Variants in MACROD2 observed in about 807,000 individuals in gnomAD.
The protein encoded by MACROD2 is mono-ADP ribosylhydrolase 2.
MACROD2 carries 36 observed loss-of-function variants against 70.4 expected under a neutral mutation model. That is an observed-to-expected ratio of 0.51 (90% CI 0.39 to 0.68). The LOEUF is 0.68. Among genes scored for constraint, MACROD2 ranks in the 30% least tolerant of loss-of-function variants. The probability of loss-of-function intolerance (pLI) is 0.00; values close to 1 mark genes in which losing one functional copy is unlikely to be tolerated. For missense variants in MACROD2, 496 were observed against 538.4 expected (o/e 0.92, Z 0.78); for synonymous variants, 172 against 178.8 (o/e 0.96, Z 0.30).
At chr20:15,445,918 A>G (rs2046559735) in intron 7 of MACROD2, among the ~76,000 whole-genome samples, 1 of 152,070 alleles carries the variant, frequency 6.6e-6, no homozygotes, top group Admixed American at 6.6e-5. Flanking sequence ...ACAATCATGA[A>G]CCCCAGGATG....
At chr20:15,741,329 G>A (rs1413677796) in intron 8 of MACROD2, among the ~76,000 whole-genome samples, 1 of 149,770 alleles carries the variant, frequency 6.7e-6, no homozygotes, top group Non-Finnish European at 1.5e-5. Flanking sequence ...TCAATCTTCT[G>A]ACCTCGTGAT....
intron 6 of MACROD2, among the ~76,000 whole-genome samples, chr20:15,324,898 G>C (rs1050799904): frequency 2.0e-5 from 3 of 152,132 alleles, no homozygotes; most frequent in African/African-American, 7.2e-5. Context: ...TTACAAGTTT[G>C]CATAACTTGA....
intron 2 of MACROD2, among the ~76,000 whole-genome samples, chr20:14,043,317 C>T (rs1317485195): frequency 1.3e-5 from 2 of 152,138 alleles, no homozygotes; most frequent in Non-Finnish European, 2.9e-5. Context: ...AAGTGGCTTA[C>T]AGAACACAGG....
At chr20:15,570,562 T>C (rs766968079) in intron 8 of MACROD2, among the ~76,000 whole-genome samples, 3 of 152,176 alleles carry the variant, frequency 2.0e-5, no homozygotes, top group Non-Finnish European at 4.4e-5. Context: ...AAGGACTGGC[T>C]CCAGTTACAC....
At chr20:14,677,109 A>G (rs903138709) in intron 4 of MACROD2, among the ~76,000 whole-genome samples, 7 of 152,106 alleles carry the variant, frequency 4.6e-5, no homozygotes, top group South Asian at 4.1e-4. Context: ...TTCAGGATCA[A>G]CTTGTTCATT....
intron 5 of MACROD2, among the ~76,000 whole-genome samples, chr20:14,852,149 G>A (rs1041873173): frequency 6.6e-5 from 10 of 152,132 alleles, no homozygotes; most frequent in African/African-American, 2.2e-4. Context: ...GGCGGGAGGA[G>A]GAAGCGCAGG....
At chr20:14,242,198 A>G (rs909254077) in intron 3 of MACROD2, among the ~76,000 whole-genome samples, 1 of 152,156 alleles carries the variant, frequency 6.6e-6, no homozygotes, top group African/African-American at 2.4e-5. Context: ...TCTAATTTAA[A>G]ATGTTTGGAT....
At chr20:15,378,388 G>T (rs761438903) in intron 6 of MACROD2, among the ~76,000 whole-genome samples, 2 of 151,998 alleles carry the variant, frequency 1.3e-5, no homozygotes, top group African/African-American at 2.4e-5. Flanking sequence ...TACTGTGCTG[G>T]AATGGTGGGG....
At chr20:15,770,603 C>G (rs2051608346) in intron 8 of MACROD2, among the ~76,000 whole-genome samples, 1 of 152,132 alleles carries the variant, frequency 6.6e-6, no homozygotes, top group East Asian at 1.9e-4. Context: ...TGTAGGGTAT[C>G]AGTCATCTAT....
intron 3 of MACROD2, among the ~76,000 whole-genome samples, chr20:14,281,269 T>G (rs2082304092): frequency 6.6e-6 from 1 of 152,308 alleles, no homozygotes; most frequent in East Asian, 1.9e-4. Context: ...TGATATTTAT[T>G]ACAGTATGGA....
intron 8 of MACROD2, among the ~76,000 whole-genome samples, chr20:15,686,810 T>C (rs763556490): frequency 1.3e-4 from 20 of 149,474 alleles, no homozygotes; most frequent in Middle Eastern, 3.2e-3. Flanking sequence ...GAGGCAGAGA[T>C]TGCAGTGAGC....
At chr20:16,003,780 C>G (rs1255488285) in intron 15 of MACROD2, among the ~76,000 whole-genome samples, 4 of 152,176 alleles carry the variant, frequency 2.6e-5, no homozygotes, top group African/African-American at 9.7e-5. Flanking sequence ...AAGCGATTCT[C>G]CTGCCTCAGC....
At position 16,052,941 on chromosome 20, in the gene MACROD2, G is replaced by T. The variant is rs910886052; in HGVS notation, c.*3065G>T. On this transcript the variant is annotated 3_prime_UTR_variant, in exon 18 of 18. Transcript: ENST00000684519. ...GAAAAAAAGTAATTTTCTTGATCAA[G>T]ATATGTTTTTACTTAATGCAAATAA... 1.3e-4 allele frequency: 20 copies of T among 152,530 alleles called. No homozygotes were observed. The highest frequency in any genetic ancestry group is 4.6e-4 in the African/African-American group (19 of 41,414). 9.4% of individuals were successfully genotyped at this position (152,530 alleles called of 1,614,324 possible). A position where few individuals can be genotyped will look rare whatever the true frequency, so the allele number is the denominator to read the frequency against.
intron 4 of MACROD2, among the ~76,000 whole-genome samples, chr20:14,590,114 CTT>C (rs1185955641): frequency 6.6e-6 from 1 of 152,034 alleles, no homozygotes; most frequent in Non-Finnish European, 1.5e-5. Flanking sequence ...TTTGGTAACT[CTT>C]GAGCTATTTT....
At chr20:15,705,329 C>G (rs989473244) in intron 8 of MACROD2, among the ~76,000 whole-genome samples, 3 of 152,072 alleles carry the variant, frequency 2.0e-5, no homozygotes, top group Non-Finnish European at 4.4e-5. Context: ...ATGGGTGATT[C>G]CAGAGTGAAG....
At chr20:14,969,613 A>T (rs1317210749) in intron 5 of MACROD2, among the ~76,000 whole-genome samples, 1 of 152,150 alleles carries the variant, frequency 6.6e-6, no homozygotes, top group East Asian at 1.9e-4. Context: ...TGACTGTGGG[A>T]GACAATTTCT....
At chr20:14,853,465 G>A (rs578254981) in intron 5 of MACROD2, among the ~76,000 whole-genome samples, 30 of 151,934 alleles carry the variant, frequency 2.0e-4, no homozygotes, top group African/African-American at 7.0e-4. Flanking sequence ...TAAAAATAGG[G>A]TGGAGTCTGG....
At chr20:14,421,220 C>T (rs925094997) in intron 3 of MACROD2, among the ~76,000 whole-genome samples, 1 of 152,078 alleles carries the variant, frequency 6.6e-6, no homozygotes, top group Non-Finnish European at 1.5e-5. Context: ...CAATACTGGT[C>T]CCATAAAACG....
chr20:15,923,866 G>C (rs751851696), intron 10 of MACROD2, among the ~76,000 whole-genome samples: 1 of 152,168 alleles, frequency 6.6e-6, no homozygotes, highest in Non-Finnish European at 1.5e-5. Flanking sequence ...ATTTATTCTG[G>C]TACAATGTCA....
Sources: gnomAD v4.1 joint callset for allele counts (sites outside exome capture counted in the v4.1 genomes callset) on GRCh38, gnomAD v4.1.1 for gene constraint, MANE v1.5 for transcripts, NCBI Gene and HGNC (gene_info 2026-07-23, HGNC 2026-07-21) for gene names.